SSX1: variants seen among roughly 807,000 people sequenced by gnomAD.
SSX1 encodes SSX family member 1.
SSX1 carries 58 observed loss-of-function variants against 14.6 expected under a neutral mutation model. That is an observed-to-expected ratio of 3.96 (90% confidence interval 3.21 to 4.93). The LOEUF (loss-of-function observed/expected upper bound fraction) is 4.93. Among genes scored for constraint, SSX1 ranks in the 30% most tolerant of loss-of-function variants. The pLI, the probability that SSX1 is intolerant of heterozygous loss-of-function variation, is 0.00. For synonymous variants in SSX1, 46 were observed against 52.1 expected, an observed-to-expected ratio of 0.88 and a Z score of 0.50; for missense variants, 272 against 143.1, an observed-to-expected ratio of 1.90 and a Z score of -4.60.
intron 4 of SSX1, among the ~76,000 whole-genome samples, chrX:48,259,648 G>A (rs1249897246): frequency 2.7e-5 from 3 of 109,628 alleles, no homozygotes; most frequent in Non-Finnish European, 3.8e-5. Context: ...TCCCCTTCCC[G>A]TGTCCTTGTG....
chrX:48,263,928 A>G lies in SSX1; in HGVS notation c.466+11A>G. ...TTAATAAGAGATCTGGTAAGAGGAA[A>G]TGATTTGGGAACAACTTCTCTGGCT... On this transcript the variant is annotated intron_variant, in intron 6 of 7. Transcript: ENST00000376919. 1 of 1,208,460 alleles carries G rather than the reference A, an allele frequency of 8.3e-7. No homozygotes were observed. Among genetic ancestry groups the G allele is most frequent in the Non-Finnish European group, 1.1e-6 (1 of 893,818 alleles).
chrX:48,265,474 A>G (rs1276272916), intron 6 of SSX1, among the ~76,000 whole-genome samples: 4 of 111,966 alleles, frequency 3.6e-5, no homozygotes, highest in Admixed American at 2.9e-4. Context: ...AGAAAAGGAA[A>G]AGAGATGGGG....
At chrX:48,264,396 G>A (rs1178920166) in intron 6 of SSX1, among the ~76,000 whole-genome samples, 2 of 112,197 alleles carry the variant, frequency 1.8e-5, no homozygotes, top group South Asian at 3.7e-4. Flanking sequence ...CGTTTGTTTC[G>A]CAGTGCATAA....
At chrX:48,256,873 T>C (rs190287785) in intron 1 of SSX1, among the ~76,000 whole-genome samples, 13 of 109,404 alleles carry the variant, frequency 1.2e-4, no homozygotes, top group Non-Finnish European at 7.6e-5. Flanking sequence ...AACGCCCCCA[T>C]TCAATAAAAT....
Position 48,263,873 on chromosome X carries a change from C to A in SSX1, c.422C>A (p.Pro141His), listed in dbSNP as rs144626288. 1,420 of 1,209,608 alleles carry A rather than the reference C, an allele frequency of 1.2e-3. 5 individuals carry two copies. Among genetic ancestry groups the A allele is most frequent in the Non-Finnish European group, 7.6e-4 (678 of 895,137 alleles). ...GPQNDGKQLH[P>H]PGKANISEKI... ...CAAAACGATGGGAAACAACTGCACC[C>A]CCCAGGAAAAGCAAATATTTCTGAG... The change falls in exon 6 of 8, where the codon CCC becomes CAC. Residue 141 changes from proline to histidine, a missense_variant. Transcript: ENST00000376919.
At chrX:48,265,525 G>T (rs782398977) in intron 6 of SSX1, among the ~76,000 whole-genome samples, 1 of 85,265 alleles carries the variant, frequency 1.2e-5, no homozygotes, top group Non-Finnish European at 2.6e-5. Flanking sequence ...ACACAACATT[G>T]ATCAATTACG....
At position 48,258,367 on chromosome X, in the gene SSX1, A is replaced by G. The variant is rs1489168674; in HGVS notation, c.185-169A>G. Among the ~76,000 whole-genome samples the G allele has an allele frequency of 2.8e-5, 3 of 107,662 alleles. No homozygotes were observed. The East Asian group carries it at 8.7e-4, about 31-fold the overall frequency. 93.5% of individuals were successfully genotyped at this position (107,662 alleles called of 115,157 possible). A position where few individuals can be genotyped will look rare whatever the true frequency, so the allele number is the denominator to read the frequency against. ...CTCCATGCCCAACTAATTTTATTTT[A>G]TAATTTGTAGATATGGGGGTCTCTC... On this transcript the variant is annotated intron_variant, in intron 3 of 7. Transcript: ENST00000376919.
At chrX:48,256,592 C>T (rs1342488941) in intron 1 of SSX1, among the ~76,000 whole-genome samples, 21 of 107,593 alleles carry the variant, frequency 2.0e-4, no homozygotes, top group Admixed American at 5.1e-4. Context: ...TGAGCCACTG[C>T]GCCTGGCCGA....
rs1299663493 is a variant in SSX1 at position 48,258,039 on chromosome X, C to G, written c.184+179C>G. ...ATCCTGTCAGAGCTGAGGGCAGGGA[C>G]TGGCCATAGTGGAGCTTGTACCTGG... On this transcript the variant is annotated intron_variant, in intron 3 of 7. Coordinates refer to ENST00000376919, the MANE Select transcript of SSX1 (RefSeq NM_005635.4). Among the ~76,000 whole-genome samples the G allele has an allele frequency of 2.7e-5, 3 of 109,739 alleles. No homozygotes were observed. The East Asian group carries it at 8.7e-4, about 32-fold the overall frequency.
In SSX1 at chrX:48,257,767, T is replaced by A. The variant is rs1207882439; in HGVS notation, c.91T>A (p.Tyr31Asn). Residue 31 changes from tyrosine (Y) to asparagine (N), a missense_variant, in exon 3 of 8, where the codon TAC becomes AAC. Transcript: ENST00000376919. ...RSKAFDDIAT[Y>N]FSKKEWKKMK... ...TTAGGCCTTTGATGATATTGCCACA[T>A]ACTTCTCTAAGAAAGAGTGGAAAAA... The A allele has an allele frequency of 7.5e-6, 9 of 1,204,052 alleles. No homozygotes were observed. The highest frequency in any genetic ancestry group is 1.0e-5 in the Non-Finnish European group (9 of 891,794).
Position 48,264,145 on chromosome X carries a change from C to T in SSX1, c.466+228C>T, listed in dbSNP as rs782098940. The stretch of plus-strand genomic sequence containing the variant: ...GGACAAGTCTTCCAAATTTTCTCAG[C>T]TCCAGATTCCTAGTCCATAAGATGG... On this transcript the variant is annotated intron_variant, in intron 6 of 7. Coordinates refer to ENST00000376919, the MANE Select transcript of SSX1 (RefSeq NM_005635.4). 1.9e-3 allele frequency among the ~76,000 whole-genome samples: 213 copies of T among 112,235 alleles called. 2 individuals carry two copies. Among genetic ancestry groups the T allele is most frequent in the African/African-American group, 6.7e-3 (206 of 30,959 alleles).
chrX:48,263,680 A>G lies in SSX1; in HGVS notation c.331-102A>G, dbSNP rs782415023. On this transcript the variant is annotated intron_variant, in intron 5 of 7. Transcript: ENST00000376919. Reference sequence around the variant, plus strand: ...AAGTGTAACTCTCCCCGCGTTGTTGAGAACATTCATTAAGGTAATGCATGT... The same window carrying G: ...AAGTGTAACTCTCCCCGCGTTGTTGGGAACATTCATTAAGGTAATGCATGT... 1.2e-5 allele frequency: 13 copies of G among 1,086,414 alleles called. No individual in the cohort carries two copies. The Admixed American group carries it at 3.2e-4, about 27-fold the overall frequency. The allele number at this position is 1,086,414 out of a possible 1,213,427, so 89.5% of individuals were successfully genotyped here.
chrX:48,261,809 C>T lies in SSX1; in HGVS notation c.324C>T (p.Ile108=), dbSNP rs150784247. 2.5e-6 allele frequency: 3 copies of T among 1,208,924 alleles called. No homozygotes were observed. The African/African-American group carries it at 5.2e-5, about 21-fold the overall frequency. ...CTTTCGGCAGGCTCCACAGAATCAT[C>T]CCGAAGGTGAGTATCTCTCAAATCT... ...QMTFGRLHRI[I]PKIMPKKPAE... is the part of the protein sequence containing the mutation. Residue 108 remains isoleucine (I), a synonymous_variant, in exon 5 of 8, where the codon ATC becomes ATT. Transcript: ENST00000376919.
At chrX:48,261,263 A>T (rs1310311429) in intron 4 of SSX1, among the ~76,000 whole-genome samples, 2 of 112,020 alleles carry the variant, frequency 1.8e-5, no homozygotes, top group African/African-American at 3.2e-5. Flanking sequence ...ACTATAAGAG[A>T]TCTGAAACTC....
intron 5 of SSX1, among the ~76,000 whole-genome samples, chrX:48,263,048 C>G (rs1325924595): frequency 9.1e-6 from 1 of 109,895 alleles, no homozygotes; most frequent in Non-Finnish European, 1.9e-5. Flanking sequence ...ACAGGGGAAT[C>G]GCTTGAACCG....
intron 6 of SSX1, among the ~76,000 whole-genome samples, chrX:48,265,830 A>G (rs1162461398): frequency 1.8e-5 from 2 of 111,865 alleles, no homozygotes; most frequent in African/African-American, 3.2e-5. Context: ...AACAAAAACA[A>G]TTGCAATAAT....
At position 48,266,893 on chromosome X, in the gene SSX1, C is replaced by T. The variant is rs1218260459; in HGVS notation, c.*44C>T. ...CACATGCCCTTGATGAGAAGCAGAA[C>T]GTGGTGACCTTTCACGAACATGGGC... is the stretch of plus-strand genomic sequence containing the variant. On this transcript the variant is annotated 3_prime_UTR_variant, in exon 8 of 8. Coordinates refer to ENST00000376919, the MANE Select transcript of SSX1 (RefSeq NM_005635.4). 9 of 1,108,475 alleles carry T rather than the reference C, an allele frequency of 8.1e-6. No homozygotes were observed. Among genetic ancestry groups the T allele is most frequent in the African/African-American group, 7.2e-5 (4 of 55,291 alleles). The allele number at this position is 1,108,475 out of a possible 1,213,427, so 91.4% of individuals were successfully genotyped here.
Position 48,266,320 on chromosome X carries a change from G to C in SSX1, c.500G>C (p.Arg167Thr). 1.7e-6 allele frequency: 2 copies of C among 1,210,122 alleles called. No individual in the cohort carries two copies. The highest frequency in any genetic ancestry group is 2.2e-6 in the Non-Finnish European group (2 of 895,363). ...AGGGGGAAACATGCCTGGACCCACA[G>C]ACTGCGTGAGAGAAAGCAGCTGGTG... ...PKRGKHAWTH[R>T]LRERKQLVIY... The change falls in exon 7 of 8, where the codon AGA becomes ACA. Residue 167 changes from arginine (R) to threonine (T), a missense_variant. Coordinates refer to ENST00000376919, the MANE Select transcript of SSX1 (RefSeq NM_005635.4).
chrX:48,255,932 C>T (rs1556934234), intron 1 of SSX1, among the ~76,000 whole-genome samples: 15 of 87,488 alleles, frequency 1.7e-4, no homozygotes, highest in Admixed American at 3.8e-4. Flanking sequence ...CCAGGTTTCA[C>T]TATGTTGGCC....
Sources: gnomAD v4.1 joint callset for allele counts (sites outside exome capture counted in the v4.1 genomes callset) on GRCh38, gnomAD v4.1.1 for gene constraint, MANE v1.5 for transcripts, NCBI Gene and HGNC (gene_info 2026-07-23, HGNC 2026-07-21) for gene names.